USP1: variants seen among roughly 807,000 people sequenced by gnomAD.
USP1 encodes the protein ubiquitin specific peptidase 1.
A neutral mutation model predicts 72.2 loss-of-function variants in USP1; 18 were observed. The observed-to-expected ratio is 0.25, with a 90% confidence interval of 0.17 to 0.37. USP1 has a LOEUF of 0.37. USP1 is among the 10% of genes least tolerant of loss of function. The pLI, the probability that USP1 is intolerant of heterozygous loss-of-function variation, is 1.00. For missense variants in USP1, 759 were observed against 884.9 expected (o/e 0.86, Z 1.81); for synonymous variants, 354 against 303.7 (o/e 1.17, Z -1.72).
At chr1:62,439,707 C>G (rs1345432857) in intron 1 of USP1, 92 bp from the exon 2 acceptor site, 1 of 531,838 alleles carries the variant, frequency 1.9e-6, no homozygotes, top group East Asian at 3.5e-5. Flanking sequence ...CTAATTTGTA[C>G]CATTCCCTTG....
Position 62,441,545 on chromosome 1 carries a change from C to T in USP1, c.228C>T (p.Asn76=). The change falls in exon 3 of 9, where the codon AAC becomes AAT. Residue 76 remains asparagine (N), a synonymous_variant. Transcript: ENST00000339950. ...SSPINCEKRE[N]LLPFVGLNNL... ...CTATAAACTGTGAGAAGAGAGAAAACTTGTTACCATTTGTGGGACTGAATA... is the reference window on the plus strand; with the variant it reads ...CTATAAACTGTGAGAAGAGAGAAAATTTGTTACCATTTGTGGGACTGAATA... 6.2e-7 allele frequency: 1 copy of T among 1,613,586 alleles called. No homozygotes were observed.
intron 7 of USP1, 108 bp downstream of exon 7, chr1:62,447,619 CT>C: frequency 8.3e-7 from 1 of 1,208,238 alleles, no homozygotes; most frequent in Non-Finnish European, 1.1e-6. Flanking sequence ...AAAAAGCTAG[CT>C]TTTAGTGTCT....
rs974727903 is a variant in USP1 at position 62,437,109 on chromosome 1, C to T, written c.-361C>T. On this transcript the variant is annotated 5_prime_UTR_variant, in exon 1 of 9. Coordinates refer to ENST00000339950, the MANE Select transcript of USP1 (RefSeq NM_003368.5). ...TAAAGACCCTAGCGGTTCAGGCGTTCGGCGAGCGGGGCCGCTGCTTGTTGC... is the reference window on the plus strand; with the variant it reads ...TAAAGACCCTAGCGGTTCAGGCGTTTGGCGAGCGGGGCCGCTGCTTGTTGC... 6 of 399,006 alleles carry T rather than the reference C, an allele frequency of 1.5e-5. No individual in the cohort carries two copies. Among genetic ancestry groups the T allele is most frequent in the Non-Finnish European group, 2.7e-5 (6 of 226,156 alleles). The allele number at this position is 399,006 out of a possible 1,614,324, so 24.7% of individuals were successfully genotyped here.
At position 62,437,338 on chromosome 1, in the gene USP1, A is replaced by C. The variant is rs1457338538; in HGVS notation, c.-132A>C. On this transcript the variant is annotated 5_prime_UTR_variant, in exon 1 of 9. Transcript: ENST00000339950. ...GGGCAGGGACTCACCTGTCGCACCC[A>C]CACTCATTCGGGTTGGACTTGCCGG... 1 of 395,634 alleles carries C rather than the reference A, an allele frequency of 2.5e-6. No homozygotes were observed. The highest frequency in any genetic ancestry group is 2.1e-5 in the African/African-American group (1 of 48,538). 24.5% of individuals were successfully genotyped at this position (395,634 alleles called of 1,614,324 possible). A position where few individuals can be genotyped will look rare whatever the true frequency, so the allele number is the denominator to read the frequency against.
intron 1 of USP1, 27 bp from the exon 2 acceptor site, chr1:62,439,772 T>C (rs1292329140): frequency 1.0e-5 from 12 of 1,144,876 alleles, no homozygotes; most frequent in Non-Finnish European, 1.4e-5. Flanking sequence ...AACCAAAAAC[T>C]AATGAAACTT....
chr1:62,442,107 G>C, intron 3 of USP1, 88 bp from the exon 4 acceptor site: 1 of 907,886 alleles, frequency 1.1e-6, no homozygotes, highest in Non-Finnish European at 1.7e-6. Flanking sequence ...CATGTTAAAA[G>C]TGCTCTATAG....
intron 4 of USP1, among the ~76,000 whole-genome samples, chr1:62,442,821 G>A (rs538504255): frequency 9.7e-4 from 148 of 152,118 alleles, no homozygotes; most frequent in African/African-American, 3.5e-3. Context: ...TGGGTAACAT[G>A]GCAAGACCCT....
rs189598112 is a variant in USP1, at chr1:62,441,477, A to G, written c.171-11A>G. 40 of 1,590,538 alleles carry G rather than the reference A, an allele frequency of 2.5e-5. No homozygotes were observed. Among genetic ancestry groups the G allele is most frequent in the African/African-American group, 8.2e-5 (6 of 73,518 alleles). On this transcript the variant is annotated splice_polypyrimidine_tract_variant and intron_variant, in intron 2 of 8. Coordinates refer to ENST00000339950, the MANE Select transcript of USP1 (RefSeq NM_003368.5). ...ATAACTACTTATCGTTCTCCCTTCT[A>G]TATTTCATAGTGATCAAGTTGTTCC...
chr1:62,440,318 TTTGA>T (rs1645123682), intron 2 of USP1, among the ~76,000 whole-genome samples: 2 of 152,030 alleles, frequency 1.3e-5, no homozygotes, highest in African/African-American at 4.8e-5. Context: ...TGAGTTTAAA[TTTGA>T]TTATTTGTAG....
rs1645212957 is a variant in USP1 at position 62,451,025 on chromosome 1, A to C, written c.*44A>C. The C allele has an allele frequency of 2.0e-6, 3 of 1,485,938 alleles. No individual in the cohort carries two copies. Among genetic ancestry groups the C allele is most frequent in the Non-Finnish European group, 2.7e-6 (3 of 1,121,000 alleles). 92.0% of individuals were successfully genotyped at this position (1,485,938 alleles called of 1,614,324 possible). A position where few individuals can be genotyped will look rare whatever the true frequency, so the allele number is the denominator to read the frequency against. On this transcript the variant is annotated 3_prime_UTR_variant, in exon 9 of 9. Coordinates refer to ENST00000339950, the MANE Select transcript of USP1 (RefSeq NM_003368.5). The stretch of plus-strand genomic sequence containing the variant: ...GTGTATATATTAAACACACCCATAC[A>C]AACATTGGTAAAGTTGATTACATCA...
upstream of USP1, chr1:62,436,915 G>A: frequency 2.6e-6 from 1 of 390,680 alleles, no homozygotes; most frequent in Non-Finnish European, 4.5e-6. Context: ...AGGGGCGAGT[G>A]GCCGTCGCGA....
intron 7 of USP1, among the ~76,000 whole-genome samples, chr1:62,448,075 C>T (rs563728117): frequency 3.3e-5 from 5 of 152,168 alleles, no homozygotes; most frequent in African/African-American, 7.2e-5. Context: ...CGTGAGCCAC[C>T]GCGCCTGGCC....
chr1:62,449,199 C>G lies in USP1; in HGVS notation c.1622+533C>G, dbSNP rs554737667. 2.0e-5 allele frequency among the ~76,000 whole-genome samples: 3 copies of G among 152,226 alleles called. No individual in the cohort carries two copies. In the South Asian group the frequency reaches 6.2e-4, roughly 32 times the overall value. ...ATGCCCGGCCAGTTTCTTTATTCAT[C>G]TTTTCATATTCATTCCCTCTTAGAT... On this transcript the variant is annotated intron_variant, in intron 8 of 8. Transcript: ENST00000339950.
chr1:62,443,048 T>G, intron 4 of USP1, 111 bp from the exon 5 acceptor site: 1 of 1,119,608 alleles, frequency 8.9e-7, no homozygotes, highest in African/African-American at 1.6e-5. Flanking sequence ...TTAAAATTAG[T>G]GCTATTATGC....
chr1:62,438,945 A>T (rs892989985), intron 1 of USP1, among the ~76,000 whole-genome samples: 2 of 152,306 alleles, frequency 1.3e-5, no homozygotes, highest in African/African-American at 4.8e-5. Context: ...TCTTTCACTT[A>T]CGGTTTTAGG....
rs138622785 is a variant in USP1, at chr1:62,445,958, C to T, written c.1249+529C>T. Among the ~76,000 whole-genome samples the T allele has an allele frequency of 7.3e-3, 1,105 of 151,410 alleles. 12 individuals carry two copies. Among genetic ancestry groups the T allele is most frequent in the African/African-American group, 0.025 (1,032 of 41,244 alleles). ...TATGCCACTGCACTCCAGCCTGGGG[C>T]GACAGAGCAAGACTCCGTCTCAAAA... On this transcript the variant is annotated intron_variant, in intron 6 of 8. Coordinates refer to ENST00000339950, the MANE Select transcript of USP1 (RefSeq NM_003368.5).
intron 5 of USP1, among the ~76,000 whole-genome samples, chr1:62,444,522 T>A (rs548153866): frequency 1.3e-5 from 2 of 152,298 alleles, no homozygotes; most frequent in Admixed American, 1.3e-4. Context: ...ATTAATATAT[T>A]TAGAAGAGGA....
chr1:62,444,260 CA>C (rs34522182), intron 5 of USP1, among the ~76,000 whole-genome samples: 18,622 of 72,380 alleles, frequency 0.26, 1,083 homozygotes, highest in Non-Finnish European at 0.3. Flanking sequence ...CCCTTGTCTC[CA>C]AAAAAAAAAA....
chr1:62,441,844 AG>A (rs528449413), intron 3 of USP1, among the ~76,000 whole-genome samples: 2 of 152,214 alleles, frequency 1.3e-5, no homozygotes, highest in African/African-American at 4.8e-5. Flanking sequence ...CTTAAGTGGA[AG>A]GTCAAACCTT....
Sources: allele counts gnomAD v4.1 joint callset (sites outside exome capture counted in the v4.1 genomes callset), GRCh38; gene constraint gnomAD v4.1.1; transcripts MANE v1.5; gene names NCBI Gene and HGNC (gene_info 2026-07-23, HGNC 2026-07-21).